The following NAALADL2 variants were observed in gnomAD, a reference collection of about 807,000 sequenced individuals.
NAALADL2 encodes N-acetylated alpha-linked acidic dipeptidase like 2.
Under a neutral mutation model 87.2 loss-of-function variants are expected in NAALADL2, and 76 were observed. The ratio of observed to expected loss-of-function variants is 0.87; its 90% CI spans 0.72 to 1.05. The LOEUF (loss-of-function observed/expected upper bound fraction) is 1.05, where lower values mean the gene tolerates loss of function less well. Among genes scored for constraint, NAALADL2 ranks in the 50% least tolerant of loss-of-function variants. NAALADL2 has a pLI of 0.00. For missense variants in NAALADL2, 1,089 were observed against 945.8 expected, an observed-to-expected ratio of 1.15 and a Z score of -1.99; for synonymous variants, 354 against 331.0, an observed-to-expected ratio of 1.07 and a Z score of -0.75.
chr3:174,604,068 A>G (rs1351131713), intron 2 of NAALADL2, among the ~76,000 whole-genome samples: 2 of 152,154 alleles, frequency 1.3e-5, no homozygotes, highest in Non-Finnish European at 2.9e-5. Flanking sequence ...ATAAATATAT[A>G]TTAGGTTTAT....
chr3:175,766,599 T>C (rs997816373), intron 13 of NAALADL2, among the ~76,000 whole-genome samples: 2 of 152,184 alleles, frequency 1.3e-5, no homozygotes, highest in Non-Finnish European at 1.5e-5. Context: ...TATGAAATCA[T>C]GTTAGACATT....
At chr3:175,392,402 T>C (rs934960048) in intron 5 of NAALADL2, among the ~76,000 whole-genome samples, 2 of 152,176 alleles carry the variant, frequency 1.3e-5, no homozygotes, top group Non-Finnish European at 2.9e-5. Context: ...CTGTCTAAAT[T>C]CAGAAGACAA....
At chr3:175,647,105 A>C (rs1465906081) in intron 11 of NAALADL2, among the ~76,000 whole-genome samples, 1 of 152,082 alleles carries the variant, frequency 6.6e-6, no homozygotes, top group African/African-American at 2.4e-5. Flanking sequence ...CCTATAAATG[A>C]CACATCTTGC....
intron 2 of NAALADL2, among the ~76,000 whole-genome samples, chr3:174,672,327 A>G (rs1726630966): frequency 6.6e-6 from 1 of 152,116 alleles, no homozygotes; most frequent in African/African-American, 2.4e-5. Flanking sequence ...TTATCTACTC[A>G]GAAGCACTCA....
intron 1 of NAALADL2, among the ~76,000 whole-genome samples, chr3:174,462,259 T>C (rs1478857650): frequency 6.6e-6 from 1 of 152,098 alleles, no homozygotes; most frequent in Admixed American, 6.6e-5. Flanking sequence ...TCCTTGGTTG[T>C]TGCAAAATCC....
intron 3 of NAALADL2, among the ~76,000 whole-genome samples, chr3:174,820,122 G>T (rs1418544716): frequency 6.6e-6 from 1 of 152,040 alleles, no homozygotes; most frequent in Non-Finnish European, 1.5e-5. Context: ...TGATAAGTAG[G>T]AATCACTTCT....
chr3:175,158,951 T>G (rs551414340), intron 2 of NAALADL2, among the ~76,000 whole-genome samples: 1 of 152,254 alleles, frequency 6.6e-6, no homozygotes, highest in South Asian at 2.1e-4. Context: ...CATTTTCTAT[T>G]TTTGAATATA....
chr3:174,897,879 C>T (rs1731757495), intron 1 of NAALADL2, among the ~76,000 whole-genome samples: 1 of 137,462 alleles, frequency 7.3e-6, no homozygotes, highest in Non-Finnish European at 1.5e-5. Context: ...TTTGGGAGGC[C>T]GAGGCGGGCG....
At chr3:175,770,799 T>C (rs1931156) in intron 13 of NAALADL2, among the ~76,000 whole-genome samples, 64,890 of 152,088 alleles carry the variant, frequency 0.43, 17,806 homozygotes, top group African/African-American at 0.78. Context: ...GTAGCCTTGT[T>C]AGACACAAAA....
In NAALADL2 at chr3:174,860,223, A is replaced by T. The variant is rs76181125; in HGVS notation, c.43+773A>T. 5.2e-3 allele frequency among the ~76,000 whole-genome samples: 785 copies of T among 152,216 alleles called. 5 individuals carry two copies. Among genetic ancestry groups the T allele is most frequent in the African/African-American group, 0.018 (751 of 41,548 alleles). The stretch of plus-strand genomic sequence containing the variant: ...TCACATAGATCTGCATGATCCTAAA[A>T]ATATATCACCTATTTTATAGTTAAA... On this transcript the variant is annotated intron_variant, in intron 1 of 13. Coordinates refer to ENST00000454872, the MANE Select transcript of NAALADL2 (RefSeq NM_207015.3).
chr3:174,920,621 G>A (rs1219283811), intron 1 of NAALADL2, among the ~76,000 whole-genome samples: 1 of 152,064 alleles, frequency 6.6e-6, no homozygotes, highest in African/African-American at 2.4e-5. Flanking sequence ...GCAATACGGT[G>A]GTTTTGCTTT....
chr3:174,943,406 G>A (rs910921665), intron 1 of NAALADL2, among the ~76,000 whole-genome samples: 3 of 152,160 alleles, frequency 2.0e-5, no homozygotes, highest in African/African-American at 4.8e-5. Context: ...GCTCCCCTGT[G>A]TTTCCTCACA....
intron 3 of NAALADL2, among the ~76,000 whole-genome samples, chr3:174,852,231 A>T (rs1440798935): frequency 6.6e-6 from 1 of 152,090 alleles, no homozygotes; most frequent in Non-Finnish European, 1.5e-5. Context: ...GAACAATTAG[A>T]CAAGAGAAAG....
At chr3:175,397,748 CAT>C (rs1193141008) in intron 5 of NAALADL2, among the ~76,000 whole-genome samples, 1 of 152,140 alleles carries the variant, frequency 6.6e-6, no homozygotes, top group Non-Finnish European at 1.5e-5. Flanking sequence ...CAAATGCACA[CAT>C]AGCTTCATGT....
At chr3:175,119,394 G>A (rs977166857) in intron 2 of NAALADL2, among the ~76,000 whole-genome samples, 3 of 151,476 alleles carry the variant, frequency 2.0e-5, no homozygotes, top group African/African-American at 7.3e-5. Context: ...AATATTCCAG[G>A]TATATGGTCT....
chr3:175,667,389 T>C (rs936003883), intron 11 of NAALADL2, among the ~76,000 whole-genome samples: 4 of 152,116 alleles, frequency 2.6e-5, no homozygotes, highest in Non-Finnish European at 2.9e-5. Context: ...AAGATCCAAA[T>C]TGTCACGTTT....
At chr3:175,238,376 G>T (rs1746275379) in intron 3 of NAALADL2, among the ~76,000 whole-genome samples, 1 of 151,976 alleles carries the variant, frequency 6.6e-6, no homozygotes, top group African/African-American at 2.4e-5. Flanking sequence ...GAAATATTAG[G>T]GCTAAACAAA....
chr3:174,965,219 C>G (rs943077904), intron 1 of NAALADL2, among the ~76,000 whole-genome samples: 1 of 152,000 alleles, frequency 6.6e-6, no homozygotes, highest in Admixed American at 6.6e-5. Context: ...TGGCCATTGG[C>G]GGGAGGCCAC....
intron 1 of NAALADL2, among the ~76,000 whole-genome samples, chr3:174,987,687 C>T (rs570675135): frequency 5.5e-5 from 8 of 144,352 alleles, no homozygotes; most frequent in African/African-American, 1.8e-4. Flanking sequence ...AGTGTAGTGA[C>T]GTGATCATAG....
Sources: allele counts gnomAD v4.1 joint callset (sites outside exome capture counted in the v4.1 genomes callset), GRCh38; gene constraint gnomAD v4.1.1; transcripts MANE v1.5; gene names NCBI Gene and HGNC (gene_info 2026-07-23, HGNC 2026-07-21).